DSC2: variants seen among roughly 807,000 people sequenced by gnomAD.
The protein encoded by DSC2 is desmocollin 2.
Under a neutral mutation model 87.6 loss-of-function variants are expected in DSC2, and 51 were observed. The observed-to-expected ratio is 0.58, with a 90% CI of 0.46 to 0.74. DSC2 has a LOEUF of 0.74. Among genes scored for constraint, DSC2 ranks in the 30% least tolerant of loss-of-function variants. DSC2 has a pLI of 0.00. For missense variants in DSC2, 1,066 were observed against 1,089.5 expected, an observed-to-expected ratio of 0.98 and a Z score of 0.30; for synonymous variants, 383 against 393.2, an observed-to-expected ratio of 0.97 and a Z score of 0.31.
chr18:31,095,366 G>A (rs1158617988), intron 1 of DSC2, among the ~76,000 whole-genome samples: 1 of 152,176 alleles, frequency 6.6e-6, no homozygotes, highest in Non-Finnish European at 1.5e-5. Flanking sequence ...AAGGAGTGCA[G>A]ATTTTGTTCT....
chr18:31,095,199 G>C (rs956623916), intron 1 of DSC2, among the ~76,000 whole-genome samples: 6 of 152,198 alleles, frequency 3.9e-5, no homozygotes, highest in African/African-American at 1.2e-4. Context: ...GAGTCTTCCA[G>C]GTAGGGCAAG....
chr18:31,071,757 A>G lies in DSC2; in HGVS notation c.1973T>C (p.Met658Thr), dbSNP rs1185899653. The change falls in exon 13 of 16, where the codon ATG becomes ACG. Residue 658 changes from methionine to threonine, a missense_variant. Transcript: ENST00000280904. The part of the protein sequence containing the change: ...VPITVRDRLG[M>T]SSVTSLDVTL... ...AACATCCAATGAAGTGACACTAGAC[A>G]TGCCAAGTCTATCTCTCACTGTTAT... The G allele has an allele frequency of 6.2e-7, 1 of 1,613,890 alleles. No homozygotes were observed. The highest frequency in any genetic ancestry group is 8.5e-7 in the Non-Finnish European group (1 of 1,179,854).
chr18:31,068,994 T>C lies in DSC2; in HGVS notation c.2408A>G (p.His803Arg), dbSNP rs150124218. ...TSESCRGAGH[H>R]HTLDSCRGGH... ...TCCCCTGCAGGAGTCCAGGGTGTGA[T>C]GGTGGCCAGCCCCCCGGCAGGATTC... Residue 803 changes from histidine (H) to arginine (R), a missense_variant, in exon 15 of 16, where the codon CAT becomes CGT. His to Arg is a conservative substitution (Grantham distance 29). Transcript: ENST00000280904. The C allele has an allele frequency of 1.2e-6, 2 of 1,613,968 alleles. No homozygotes were observed. The highest frequency in any genetic ancestry group is 1.3e-5 in the African/African-American group (1 of 74,914).
chr18:31,079,750 T>C (rs1221344082), intron 11 of DSC2, 97 bp downstream of exon 11: 32 of 1,379,976 alleles, frequency 2.3e-5, no homozygotes, highest in Non-Finnish European at 3.3e-5. Context: ...GAAAACAGAG[T>C]GCATGTATCC....
intron 13 of DSC2, 27 bp from the exon 14 acceptor site, chr18:31,070,877 G>A (rs1361766548): frequency 5.0e-6 from 8 of 1,611,864 alleles, no homozygotes; most frequent in Non-Finnish European, 6.8e-6. Flanking sequence ...ATATACTTGA[G>A]TTTATCATAA....
At chr18:31,082,041 TAA>T (rs573964762) in intron 9 of DSC2, among the ~76,000 whole-genome samples, 195 bp downstream of exon 9, 7 of 147,956 alleles carry the variant, frequency 4.7e-5, no homozygotes, top group African/African-American at 1.5e-4. Context: ...ATGGACTTTT[TAA>T]AAAAAAAAAT....
At chr18:31,087,276 C>T (rs575705856) in intron 6 of DSC2, among the ~76,000 whole-genome samples, 3 of 152,176 alleles carry the variant, frequency 2.0e-5, no homozygotes, top group Non-Finnish European at 2.9e-5. Context: ...AACATCCGTA[C>T]ATATCTTTAA....
At chr18:31,080,495 A>G in intron 9 of DSC2, 143 bp from the exon 10 acceptor site, 2 of 1,046,212 alleles carry the variant, frequency 1.9e-6, no homozygotes, top group Non-Finnish European at 2.8e-6. Flanking sequence ...ATATCCAGTG[A>G]TATGGTTTGG....
chr18:31,077,629 A>C (rs542670174), intron 11 of DSC2, among the ~76,000 whole-genome samples: 2 of 152,308 alleles, frequency 1.3e-5, no homozygotes, highest in South Asian at 4.1e-4. Context: ...TCATATGCTG[A>C]TGAGTTATAC....
rs956480703 is a variant in DSC2 at position 31,102,349 on chromosome 18, C to A, written c.-378G>T. 1.1e-5 allele frequency: 2 copies of A among 185,518 alleles called. No individual in the cohort carries two copies. Among genetic ancestry groups the A allele is most frequent in the African/African-American group, 4.7e-5 (2 of 42,786 alleles). 11.5% of individuals were successfully genotyped at this position (185,518 alleles called of 1,614,324 possible). ...CGGACGCCACCTATAAGGCCCATCTCCCCCACCACGCCCCGGTGTCCGCTC... is the reference window on the plus strand; with the variant it reads ...CGGACGCCACCTATAAGGCCCATCTACCCCACCACGCCCCGGTGTCCGCTC... On this transcript the variant is annotated 5_prime_UTR_variant, in exon 1 of 16. Transcript: ENST00000280904.
rs1986464690 is a variant in DSC2 at position 31,059,712 on chromosome 18, T to C, written c.*8303A>G. 3 of 152,204 alleles carry C rather than the reference T, an allele frequency of 2.0e-5. No individual in the cohort carries two copies. The highest frequency in any genetic ancestry group is 2.1e-4 in the South Asian group (1 of 4,830). The allele number at this position is 152,204 out of a possible 1,614,324, so 9.4% of individuals were successfully genotyped here. ...ATTTATCACTCAATATCTTAGTGTA[T>C]TACAGATAGTCTCATATTTATTTAA... is the stretch of plus-strand genomic sequence containing the variant. On this transcript the variant is annotated 3_prime_UTR_variant, in exon 16 of 16. Transcript: ENST00000280904.
At chr18:31,079,204 A>T (rs1987121235) in intron 11 of DSC2, among the ~76,000 whole-genome samples, 1 of 152,156 alleles carries the variant, frequency 6.6e-6, no homozygotes, top group Non-Finnish European at 1.5e-5. Flanking sequence ...CTTTAAGCGA[A>T]ATAAGTAGAT....
chr18:31,091,074 G>T lies in DSC2; in HGVS notation c.428C>A (p.Ser143Ter), dbSNP rs769576778. 6.2e-7 allele frequency: 1 copy of T among 1,613,850 alleles called. No individual in the cohort carries two copies. Among genetic ancestry groups the T allele is most frequent in the South Asian group, 1.1e-5 (1 of 91,072 alleles). The change falls in exon 4 of 16, where the codon TCG becomes TAG. Residue 143 changes from serine to a stop codon, truncating the protein, a stop_gained. Transcript: ENST00000280904. LOFTEE classifies it high-confidence loss of function. ...AKRRWAPIPC[S>*]MLENSLGPFP... ...AGGACCCAAGGAGTTTTCTAGCATC[G>T]AACAAGGAATTGGAGCCCATCTTCT... is the stretch of plus-strand genomic sequence containing the variant.
intron 1 of DSC2, among the ~76,000 whole-genome samples, chr18:31,097,748 G>A (rs907185338): frequency 1.3e-5 from 2 of 151,844 alleles, no homozygotes; most frequent in African/African-American, 4.9e-5. Flanking sequence ...ATTTGCATTA[G>A]ATATGACTGC....
intron 7 of DSC2, among the ~76,000 whole-genome samples, chr18:31,085,387 A>G (rs1486730234): frequency 6.6e-6 from 1 of 151,948 alleles, no homozygotes; most frequent in Non-Finnish European, 1.5e-5. Flanking sequence ...TGTAAGTACA[A>G]AAAGAAGAAA....
chr18:31,082,171 C>A (rs1333961633), intron 9 of DSC2, 67 bp downstream of exon 9: 2 of 1,446,938 alleles, frequency 1.4e-6, no homozygotes, highest in Non-Finnish European at 1.9e-6. Flanking sequence ...TCCTTTCTTT[C>A]CATTAAATTC....
At chr18:31,095,457 T>C (rs992524313) in intron 1 of DSC2, among the ~76,000 whole-genome samples, 6 of 152,156 alleles carry the variant, frequency 3.9e-5, no homozygotes, top group African/African-American at 1.4e-4. Context: ...ACTCTACTAG[T>C]TATGTGGAAA....
At chr18:31,074,987 T>C (rs1986968955) in intron 11 of DSC2, 80 bp from the exon 12 acceptor site, 1 of 1,399,464 alleles carries the variant, frequency 7.1e-7, no homozygotes, top group African/African-American at 1.4e-5. Context: ...CATTGAAAAA[T>C]ATTTATTAAG....
In DSC2 at chr18:31,087,665, T is replaced by G; in HGVS notation, c.775+4A>C. 1 of 1,611,042 alleles carries G rather than the reference T, an allele frequency of 6.2e-7. No homozygotes were observed. Among genetic ancestry groups the G allele is most frequent in the Non-Finnish European group, 8.5e-7 (1 of 1,179,418 alleles). On this transcript the variant is annotated splice_donor_region_variant and intron_variant, in intron 6 of 15. Coordinates refer to ENST00000280904, the MANE Select transcript of DSC2 (RefSeq NM_024422.6). ...TGCCATATATTGTTTAAGGAGGTAC[T>G]CACCCACTCTGCAATTTTCAAAAAT...
Sources: allele counts gnomAD v4.1 joint callset (sites outside exome capture counted in the v4.1 genomes callset), GRCh38; gene constraint gnomAD v4.1.1; transcripts MANE v1.5; gene names NCBI Gene and HGNC (gene_info 2026-07-23, HGNC 2026-07-21).